DYNLRB1: variants seen among roughly 807,000 people sequenced by gnomAD.
DYNLRB1 encodes the protein ROBL/LC7-like 1.
A neutral mutation model predicts 13.5 loss-of-function variants in DYNLRB1; 6 were observed. That is an observed-to-expected ratio of 0.44 (90% CI 0.24 to 0.88). The LOEUF is 0.88. Among genes scored for constraint, DYNLRB1 ranks in the 40% least tolerant of loss-of-function variants. DYNLRB1 has a pLI of 0.21. For missense variants in DYNLRB1, 93 were observed against 127.2 expected (o/e 0.73, Z 1.29); for synonymous variants, 43 against 45.0 (o/e 0.96, Z 0.18).
intron 2 of DYNLRB1, among the ~76,000 whole-genome samples, chr20:34,527,500 G>A (rs1488642065): frequency 6.6e-6 from 1 of 152,186 alleles, no homozygotes; most frequent in Non-Finnish European, 1.5e-5. Flanking sequence ...ACCTGATTGG[G>A]TTCCCCTGTT....
intron 1 of DYNLRB1, 80 bp downstream of exon 1, chr20:34,516,541 A>C: frequency 1.3e-6 from 2 of 1,591,764 alleles, no homozygotes; most frequent in South Asian, 1.1e-5. Context: ...GGATGAGGGG[A>C]TCTCAGAGCT....
chr20:34,539,213 G>A (rs527327011), intron 3 of DYNLRB1, among the ~76,000 whole-genome samples: 7 of 152,304 alleles, frequency 4.6e-5, no homozygotes, highest in African/African-American at 1.7e-4. Flanking sequence ...TCAGTGAAAC[G>A]GGAGGCACTC....
intron 3 of DYNLRB1, among the ~76,000 whole-genome samples, 157 bp from the exon 4 acceptor site, chr20:34,540,424 G>A (rs543191722): frequency 1.2e-4 from 19 of 152,320 alleles, no homozygotes; most frequent in South Asian, 1.0e-3. Flanking sequence ...TTTATCTTCC[G>A]TTTTCCCAGC....
At chr20:34,537,352 A>G (rs1981226887) in intron 3 of DYNLRB1, among the ~76,000 whole-genome samples, 1 of 152,200 alleles carries the variant, frequency 6.6e-6, no homozygotes, top group Admixed American at 6.5e-5. Context: ...CTGCATTTTT[A>G]AGGCCATCTA....
chr20:34,525,037 T>C (rs1442679239), intron 1 of DYNLRB1, among the ~76,000 whole-genome samples: 1 of 152,198 alleles, frequency 6.6e-6, no homozygotes, highest in African/African-American at 2.4e-5. Flanking sequence ...TTTGCCACTT[T>C]ATAGGAGGAG....
intron 2 of DYNLRB1, among the ~76,000 whole-genome samples, chr20:34,534,066 G>A (rs1197154840): frequency 3.3e-5 from 5 of 151,978 alleles, no homozygotes; most frequent in African/African-American, 9.7e-5. Flanking sequence ...ACTTGAACCC[G>A]GGAGGCAGAG....
intron 2 of DYNLRB1, among the ~76,000 whole-genome samples, chr20:34,533,050 C>CTCATA (rs1306192010): frequency 6.6e-6 from 1 of 152,192 alleles, no homozygotes; most frequent in East Asian, 1.9e-4. Context: ...GAGTCTTCTG[C>CTCATA]TCATATGTCA....
chr20:34,522,819 G>A (rs1217020589), intron 1 of DYNLRB1, among the ~76,000 whole-genome samples: 1 of 152,168 alleles, frequency 6.6e-6, no homozygotes, highest in Non-Finnish European at 1.5e-5. Context: ...GGTTCTCGTT[G>A]AGTTTCAGAT....
chr20:34,517,626 T>C (rs1197588079), intron 1 of DYNLRB1, among the ~76,000 whole-genome samples: 3 of 137,754 alleles, frequency 2.2e-5, no homozygotes, highest in Non-Finnish European at 4.8e-5. Context: ...ATTCATTATT[T>C]CTTTTTTTTT....
intron 3 of DYNLRB1, among the ~76,000 whole-genome samples, chr20:34,539,069 T>C (rs1025235293): frequency 1.3e-5 from 2 of 152,196 alleles, no homozygotes; most frequent in Non-Finnish European, 2.9e-5. Context: ...TAAATCTGCA[T>C]ATATAAAAAT....
At chr20:34,540,266 T>TC (rs964514515) in intron 3 of DYNLRB1, among the ~76,000 whole-genome samples, 18 of 151,702 alleles carry the variant, frequency 1.2e-4, no homozygotes, top group African/African-American at 4.1e-4. Context: ...TGAACTGGAG[T>TC]CCCCCCACCT....
intron 1 of DYNLRB1, among the ~76,000 whole-genome samples, chr20:34,519,648 C>G (rs1274445141): frequency 6.6e-6 from 1 of 152,104 alleles, no homozygotes; most frequent in Admixed American, 6.5e-5. Flanking sequence ...AGGTCTGTAT[C>G]GTATCCTAGT....
At chr20:34,525,532 G>A (rs142924154) in intron 1 of DYNLRB1, among the ~76,000 whole-genome samples, 1 of 152,254 alleles carries the variant, frequency 6.6e-6, no homozygotes, top group African/African-American at 2.4e-5. Flanking sequence ...TGGTCAAGAG[G>A]AGTTTGTTGG....
In DYNLRB1 at chr20:34,534,658, C is replaced by T. The variant is rs1751564631; in HGVS notation, c.110C>T (p.Pro37Leu). 6.3e-7 allele frequency: 1 copy of T among 1,582,012 alleles called. No individual in the cohort carries two copies. Among genetic ancestry groups the T allele is most frequent in the African/African-American group, 1.3e-5 (1 of 74,474 alleles). The change falls in exon 3 of 4, where the codon CCC becomes CTC. Residue 37 changes from proline to leucine, a missense_variant. By Grantham distance (98) the Pro-to-Leu change is moderately conservative. Transcript: ENST00000357156. The part of the protein sequence containing the change: ...GIPIKSTMDN[P>L]TTTQYASLMH... ...CCCATCAAGAGCACCATGGACAACC[C>T]CACCACCACCCAGTATGCCAGCCTC...
rs144674131 is a variant in DYNLRB1 at position 34,526,104 on chromosome 20, G to A, written c.4-164G>A. On this transcript the variant is annotated intron_variant, in intron 1 of 3. Transcript: ENST00000357156. ...GATGCTCTGGGCACTGGTGGTGGCC[G>A]GAGGAGCACGTCAGATCAGCCTGGG... is the stretch of plus-strand genomic sequence containing the variant. 2.8e-3 allele frequency among the ~76,000 whole-genome samples: 433 copies of A among 152,322 alleles called. 2 individuals are homozygous for A. The highest frequency in any genetic ancestry group is 5.1e-3 in the Non-Finnish European group (347 of 68,016).
chr20:34,528,551 G>A (rs1336681665), intron 2 of DYNLRB1, among the ~76,000 whole-genome samples: 1 of 152,170 alleles, frequency 6.6e-6, no homozygotes, highest in South Asian at 2.1e-4. Context: ...ACCACAGTGG[G>A]TGTTGCCATC....
At chr20:34,537,130 C>T (rs1397814616) in intron 3 of DYNLRB1, among the ~76,000 whole-genome samples, 1 of 152,162 alleles carries the variant, frequency 6.6e-6, no homozygotes, top group East Asian at 1.9e-4. Context: ...GATCCCACAA[C>T]CTTGTCAGTG....
chr20:34,520,454 T>G (rs1370878354), intron 1 of DYNLRB1, among the ~76,000 whole-genome samples: 1 of 152,214 alleles, frequency 6.6e-6, no homozygotes, highest in Non-Finnish European at 1.5e-5. Flanking sequence ...CTTTTTGGTT[T>G]GTTTGTTTTA....
chr20:34,527,252 C>T (rs971094817), intron 2 of DYNLRB1, among the ~76,000 whole-genome samples: 23 of 152,218 alleles, frequency 1.5e-4, no homozygotes, highest in African/African-American at 5.5e-4. Context: ...CCTCACGCTC[C>T]AGGCAGCAGT....
Sources: gnomAD v4.1 joint callset for allele counts (sites outside exome capture counted in the v4.1 genomes callset) on GRCh38, gnomAD v4.1.1 for gene constraint, MANE v1.5 for transcripts, NCBI Gene and HGNC (gene_info 2026-07-23, HGNC 2026-07-21) for gene names.